AGFG2: variants seen among roughly 807,000 people sequenced by gnomAD.
The protein encoded by AGFG2 is ArfGAP with FG repeats 2, also known as arf-GAP domain and FG repeat-containing protein 2.
In AGFG2, 31 loss-of-function variants were observed where a neutral mutation model predicts 48.0. That is an observed-to-expected ratio of 0.65 (90% confidence interval 0.49 to 0.87). The LOEUF (loss-of-function observed/expected upper bound fraction) is 0.87, where lower values mean the gene tolerates loss of function less well. AGFG2 is among the 40% of genes least tolerant of loss of function. The pLI, the probability that AGFG2 is intolerant of heterozygous loss-of-function variation, is 0.00. For missense variants in AGFG2, 599 were observed against 632.6 expected (o/e 0.95, Z 0.57); for synonymous variants, 229 against 260.8 (o/e 0.88, Z 1.18).
At chr7:100,550,649 C>T (rs985967230) in intron 3 of AGFG2, 138 bp downstream of exon 3, 25 of 629,302 alleles carry the variant, frequency 4.0e-5, no homozygotes, top group South Asian at 1.5e-4. Context: ...CATTCAGTTA[C>T]GGCTAAAATA....
rs1469079896 is a variant in AGFG2, at chr7:100,566,532, G to C, written c.*1541G>C. The C allele has an allele frequency of 6.6e-6, 1 of 152,294 alleles. No homozygotes were observed. Among genetic ancestry groups the C allele is most frequent in the Non-Finnish European group, 1.5e-5 (1 of 68,090 alleles). The allele number at this position is 152,294 out of a possible 1,614,324, so 9.4% of individuals were successfully genotyped here. Reference sequence around the variant, plus strand: ...TGGCCCCGTGGCCATTCATTCTTGGGGTTTGTCTGAGTCTTCCACAGAGAG... The same window carrying C: ...TGGCCCCGTGGCCATTCATTCTTGGCGTTTGTCTGAGTCTTCCACAGAGAG... On this transcript the variant is annotated 3_prime_UTR_variant, in exon 12 of 12. Transcript: ENST00000300176.
At chr7:100,556,658 C>CA (rs1169262212) in intron 6 of AGFG2, 1 of 1,284,750 alleles carries the variant, frequency 7.8e-7, no homozygotes, top group Non-Finnish European at 1.0e-6. Flanking sequence ...AGAGCCTACC[C>CA]AAGTGCCTCT....
rs1208564563 is a variant in AGFG2, at chr7:100,555,469, C to T, written c.752-141C>T. On this transcript the variant is annotated intron_variant, in intron 5 of 11. Transcript: ENST00000300176. ...TTATATTTTTAGTAGAGACAGATTT[C>T]ACCATGTTGACCAGGCTGGTCTTGA... The T allele has an allele frequency of 4.7e-6, 4 of 845,212 alleles. No individual in the cohort carries two copies. In the Admixed American group the frequency reaches 7.2e-5, roughly 15 times the overall value. 52.4% of individuals were successfully genotyped at this position (845,212 alleles called of 1,614,324 possible). A position where few individuals can be genotyped will look rare whatever the true frequency, so the allele number is the denominator to read the frequency against.
chr7:100,541,766 C>CA (rs11285690), intron 1 of AGFG2, among the ~76,000 whole-genome samples: 1,912 of 65,484 alleles, frequency 0.029, 23 homozygotes, highest in Middle Eastern at 0.066. Context: ...CTCTGTCTCA[C>CA]AAAAAAAAAA....
At position 100,565,071 on chromosome 7, in the gene AGFG2, GGCATTTCT is replaced by G; in HGVS notation, c.*81_*88del. 1 of 1,493,938 alleles carries G rather than the reference GGCATTTCT, an allele frequency of 6.7e-7. No homozygotes were observed. The highest frequency in any genetic ancestry group is 2.3e-5 in the East Asian group (1 of 44,296). 92.5% of individuals were successfully genotyped at this position (1,493,938 alleles called of 1,614,324 possible). A position where few individuals can be genotyped will look rare whatever the true frequency, so the allele number is the denominator to read the frequency against. Reference sequence around the variant, plus strand: ...GAGCTCTGGTGACCACTTGCCTGTGGGCATTTCTATGGGCCTTGGGGATGGTGGAGGTG... The same window carrying G: ...GAGCTCTGGTGACCACTTGCCTGTGGATGGGCCTTGGGGATGGTGGAGGTG... On this transcript the variant is annotated 3_prime_UTR_variant, in exon 12 of 12. Transcript: ENST00000300176.
At position 100,565,180 on chromosome 7, in the gene AGFG2, TC is replaced by T; in HGVS notation, c.*192del. ...CACAAAGCCTCTCTCCCCTCCCTCG[TC>T]CCACCCCCACCCAGGCAGGAAGCCC... is the stretch of plus-strand genomic sequence containing the variant. On this transcript the variant is annotated 3_prime_UTR_variant, in exon 12 of 12. Coordinates refer to ENST00000300176, the MANE Select transcript of AGFG2 (RefSeq NM_006076.5). The T allele has an allele frequency of 1.5e-6, 1 of 657,588 alleles. No homozygotes were observed. Among genetic ancestry groups the T allele is most frequent in the Non-Finnish European group, 2.7e-6 (1 of 377,084 alleles). The allele number at this position is 657,588 out of a possible 1,614,324, so 40.7% of individuals were successfully genotyped here.
chr7:100,558,858 G>A (rs1800811486), intron 6 of AGFG2, among the ~76,000 whole-genome samples: 1 of 152,086 alleles, frequency 6.6e-6, no homozygotes, highest in Non-Finnish European at 1.5e-5. Context: ...GTCAGTCACT[G>A]GGCGCAGTGG....
Position 100,565,088 on chromosome 7 carries a change from TG to T in AGFG2, c.*101del. 2.2e-6 allele frequency: 3 copies of T among 1,367,804 alleles called. No homozygotes were observed. In the South Asian group the frequency reaches 3.5e-5, roughly 16 times the overall value. 84.7% of individuals were successfully genotyped at this position (1,367,804 alleles called of 1,614,324 possible). ...TGCCTGTGGGCATTTCTATGGGCCT[TG>T]GGGATGGTGGAGGTGCTAATGCTTT... On this transcript the variant is annotated 3_prime_UTR_variant, in exon 12 of 12. Coordinates refer to ENST00000300176, the MANE Select transcript of AGFG2 (RefSeq NM_006076.5).
Position 100,560,359 on chromosome 7 carries a change from A to G in AGFG2, c.878-1900A>G, listed in dbSNP as rs190129851. Among the ~76,000 whole-genome samples, 215 of 152,202 alleles carry G rather than the reference A, an allele frequency of 1.4e-3. 1 individual carries two copies. The highest frequency in any genetic ancestry group is 6.8e-3 in the Middle Eastern group (2 of 294). On this transcript the variant is annotated intron_variant, in intron 6 of 11. Coordinates refer to ENST00000300176, the MANE Select transcript of AGFG2 (RefSeq NM_006076.5). ...ACGCCCAGCTTATTTTTGTGCTTTT[A>G]GTAGAGACAGGGTTTTGCCATGTTG...
chr7:100,548,081 T>C (rs1049041754), intron 1 of AGFG2, among the ~76,000 whole-genome samples: 4 of 152,132 alleles, frequency 2.6e-5, no homozygotes, highest in African/African-American at 9.7e-5. Flanking sequence ...GGATGGGCTG[T>C]AGGTCTAAAA....
intron 1 of AGFG2, among the ~76,000 whole-genome samples, chr7:100,541,368 T>G (rs1800418172): frequency 6.6e-6 from 1 of 152,118 alleles, no homozygotes; most frequent in Non-Finnish European, 1.5e-5. Context: ...GGATAATGAT[T>G]GAGAACCCAA....
intron 2 of AGFG2, among the ~76,000 whole-genome samples, chr7:100,549,695 A>G: frequency 6.6e-6 from 1 of 151,970 alleles, no homozygotes; most frequent in South Asian, 2.1e-4. Flanking sequence ...TTATTTATTT[A>G]TTTATTTATC....
At chr7:100,544,745 G>C (rs1221964196) in intron 1 of AGFG2, among the ~76,000 whole-genome samples, 1 of 151,676 alleles carries the variant, frequency 6.6e-6, no homozygotes, top group Non-Finnish European at 1.5e-5. Flanking sequence ...GGTGGGCGGG[G>C]GGGTGGGGAT....
intron 1 of AGFG2, among the ~76,000 whole-genome samples, chr7:100,540,294 G>C (rs1161491472): frequency 6.6e-6 from 1 of 152,158 alleles, no homozygotes; most frequent in Non-Finnish European, 1.5e-5. Context: ...GGTTACCCTG[G>C]TAGAGAGCTT....
intron 6 of AGFG2, among the ~76,000 whole-genome samples, chr7:100,560,680 G>A (rs946403298): frequency 2.0e-5 from 3 of 152,114 alleles, no homozygotes; most frequent in African/African-American, 7.2e-5. Flanking sequence ...GAGAGGGAGC[G>A]GGGCTTCAGG....
chr7:100,548,952 T>C, intron 2 of AGFG2, 37 bp downstream of exon 2: 1 of 1,505,590 alleles, frequency 6.6e-7, no homozygotes, highest in South Asian at 1.1e-5. Flanking sequence ...GAAGGTCACC[T>C]ATCTGCAGGT....
intron 1 of AGFG2, among the ~76,000 whole-genome samples, chr7:100,544,185 T>C (rs1419803595): frequency 6.6e-6 from 1 of 152,230 alleles, no homozygotes; most frequent in Non-Finnish European, 1.5e-5. Context: ...ACCCAGTTTT[T>C]TCAGCAAAGT....
In AGFG2 at chr7:100,558,389, C is replaced by G. The variant is rs570854121; in HGVS notation, c.877+2654C>G. On this transcript the variant is annotated intron_variant, in intron 6 of 11. Coordinates refer to ENST00000300176, the MANE Select transcript of AGFG2 (RefSeq NM_006076.5). ...TGTTGGCAGGAATTGTACATTGGTG[C>G]AGGAATATTCGATTTAGTAAGAAAG... Among the ~76,000 whole-genome samples the G allele has an allele frequency of 2.0e-5, 3 of 152,054 alleles. No homozygotes were observed. The East Asian group carries it at 5.8e-4, about 29-fold the overall frequency.
At chr7:100,553,321 T>G (rs770550107) in intron 3 of AGFG2, 26 bp from the exon 4 acceptor site, 7 of 1,613,998 alleles carry the variant, frequency 4.3e-6, no homozygotes, top group Non-Finnish European at 5.1e-6. Context: ...TCCCTCTCTT[T>G]ACAGCCTAAC....
Sources: allele counts gnomAD v4.1 joint callset (sites outside exome capture counted in the v4.1 genomes callset), GRCh38; gene constraint gnomAD v4.1.1; transcripts MANE v1.5; gene names NCBI Gene and HGNC (gene_info 2026-07-23, HGNC 2026-07-21).